Variants in PRKCQ observed in about 807,000 individuals in gnomAD.
PRKCQ encodes the protein protein kinase C theta, also known as protein kinase C theta type.
A neutral mutation model predicts 91.2 loss-of-function variants in PRKCQ; 41 were observed. The observed-to-expected ratio is 0.45, with a 90% CI of 0.35 to 0.58. PRKCQ has a LOEUF of 0.58. Ranked by LOEUF, PRKCQ falls within the 20% of genes least tolerant of loss-of-function variation. The pLI, the probability that PRKCQ is intolerant of heterozygous loss-of-function variation, is 0.00. For synonymous variants in PRKCQ, 307 were observed against 316.9 expected, an observed-to-expected ratio of 0.97 and a Z score of 0.33; for missense variants, 673 against 896.5, an observed-to-expected ratio of 0.75 and a Z score of 3.18.
intron 16 of PRKCQ, among the ~76,000 whole-genome samples, chr10:6,434,915 GT>G (rs1195650273): frequency 1.3e-5 from 2 of 151,988 alleles, no homozygotes; most frequent in Non-Finnish European, 2.9e-5. Flanking sequence ...AGTAAAGAGT[GT>G]TTTTTTTCTT....
intron 1 of PRKCQ, among the ~76,000 whole-genome samples, chr10:6,521,965 C>T (rs552293634): frequency 5.5e-5 from 7 of 126,672 alleles, no homozygotes; most frequent in East Asian, 2.1e-4. Flanking sequence ...TTTTTTGAGA[C>T]GGAGTCTCGC....
intron 1 of PRKCQ, among the ~76,000 whole-genome samples, chr10:6,517,169 T>G (rs1838797070): frequency 6.6e-6 from 1 of 152,140 alleles, no homozygotes; most frequent in Admixed American, 6.5e-5. Flanking sequence ...ACACCCGAAC[T>G]ACACAGAGTG....
intron 1 of PRKCQ, among the ~76,000 whole-genome samples, chr10:6,555,093 T>C (rs923847226): frequency 6.6e-6 from 1 of 150,838 alleles, no homozygotes; most frequent in East Asian, 1.9e-4. Flanking sequence ...CTCATGGACA[T>C]AAAGATGGCA....
At chr10:6,437,413 T>C (rs909677044) in intron 16 of PRKCQ, among the ~76,000 whole-genome samples, 2 of 152,222 alleles carry the variant, frequency 1.3e-5, no homozygotes, top group African/African-American at 4.8e-5. Context: ...GAACTGACAC[T>C]GCTGGACCTT....
At chr10:6,505,469 T>TTC (rs34038369) in intron 4 of PRKCQ, among the ~76,000 whole-genome samples, 1 of 144,624 alleles carries the variant, frequency 6.9e-6, no homozygotes, top group Non-Finnish European at 1.5e-5. Context: ...AGGACCCTTT[T>TTC]TCTCCTTCCT....
intron 1 of PRKCQ, among the ~76,000 whole-genome samples, chr10:6,530,455 G>C (rs1202588772): frequency 1.3e-5 from 2 of 152,228 alleles, no homozygotes; most frequent in Admixed American, 6.5e-5. Context: ...TGCTCAGTCC[G>C]CAGTGAGCTA....
rs370315313 is a variant in PRKCQ at position 6,576,120 on chromosome 10, G to T, written c.-10+4091C>A. 6.6e-6 allele frequency among the ~76,000 whole-genome samples: 1 copy of T among 152,006 alleles called. No individual in the cohort carries two copies. Among genetic ancestry groups the T allele is most frequent in the African/African-American group, 2.4e-5 (1 of 41,366 alleles). ...TCTACCACTGGTGGGAATGTAAAAC[G>T]GTCCAGCCACTGTGGAAAACAATAT... On this transcript the variant is annotated intron_variant, in intron 1 of 17. Coordinates refer to ENST00000263125, the MANE Select transcript of PRKCQ (RefSeq NM_006257.5). This position sits in a 1 kb window ranked among gnomAD's most constrained non-coding sequence, Gnocchi z 4.2.
intron 1 of PRKCQ, among the ~76,000 whole-genome samples, chr10:6,537,025 G>A (rs898129379): frequency 3.3e-5 from 5 of 152,270 alleles, no homozygotes; most frequent in South Asian, 2.1e-4. Flanking sequence ...TGGGGCTGAC[G>A]ATGGAACAAT....
rs117721939 is a variant in PRKCQ at position 6,527,803 on chromosome 10, T to C, written c.-9-12659A>G. On this transcript the variant is annotated intron_variant, in intron 1 of 17. Coordinates refer to ENST00000263125, the MANE Select transcript of PRKCQ (RefSeq NM_006257.5). ...AAATTCCTTTCTGGCCCCTAAATCC[T>C]TCAGGATCCACATTCCCCTACAAAA... 1.2e-3 allele frequency among the ~76,000 whole-genome samples: 190 copies of C among 152,236 alleles called. 2 individuals carry two copies. Among genetic ancestry groups the C allele is most frequent in the East Asian group, 2.1e-3 (11 of 5,178 alleles).
Position 6,497,326 on chromosome 10 carries a change from G to A in PRKCQ, c.543-75C>T. ...CACCAACAGCATTTAAGAGATGGATGAGATCTCATAACCCCCTAAGATCAC... is the reference window on the plus strand; with the variant it reads ...CACCAACAGCATTTAAGAGATGGATAAGATCTCATAACCCCCTAAGATCAC... On this transcript the variant is annotated intron_variant, in intron 5 of 17. Transcript: ENST00000263125. This position sits in a 1 kb window ranked among gnomAD's most constrained non-coding sequence, Gnocchi z 4.5. The A allele has an allele frequency of 6.5e-7, 1 of 1,528,532 alleles. No individual in the cohort carries two copies. The highest frequency in any genetic ancestry group is 2.2e-5 in the East Asian group (1 of 44,492). The allele number at this position is 1,528,532 out of a possible 1,614,324, so 94.7% of individuals were successfully genotyped here.
intron 1 of PRKCQ, among the ~76,000 whole-genome samples, chr10:6,562,208 AG>A (rs930868209): frequency 8.5e-5 from 13 of 152,286 alleles, no homozygotes; most frequent in Non-Finnish European, 1.9e-4. Flanking sequence ...GTTCTCCTGC[AG>A]GGCAGCCTCA....
Position 6,498,551 on chromosome 10 carries a change from C to A in PRKCQ, c.387G>T (p.Lys129Asn), listed in dbSNP as rs956709828. Residue 129 changes from lysine to asparagine, a missense_variant, in exon 5 of 18, where the codon AAG (lysine) becomes AAT (asparagine). Transcript: ENST00000263125. The stretch of plus-strand genomic sequence containing the variant: ...CTTCCGTCTCAAATTCATTCATGTC[C>A]TTTGTGTCTACAGGAAGAGAGAGGG... Reference protein sequence around the residue: ...ARYFLEMSDTKDMNEFETEGF... With the variant: ...ARYFLEMSDTNDMNEFETEGF... 3.1e-6 allele frequency: 5 copies of A among 1,613,960 alleles called. No homozygotes were observed. Among genetic ancestry groups the A allele is most frequent in the Non-Finnish European group, 4.2e-6 (5 of 1,179,950 alleles).
intron 4 of PRKCQ, among the ~76,000 whole-genome samples, chr10:6,506,637 C>A (rs1838216761): frequency 6.6e-6 from 1 of 152,038 alleles, no homozygotes; most frequent in Admixed American, 6.5e-5. Context: ...ATATTGTTTT[C>A]TCTGATGTAT....
rs1218206820 is a variant in PRKCQ, at chr10:6,430,215, A to G, written c.1965+595T>C. On this transcript the variant is annotated intron_variant, in intron 17 of 17. Transcript: ENST00000263125. The surrounding 1 kb of genome is among the most constrained non-coding windows in gnomAD (Gnocchi z 4.7). ...GCCCGTCTCGCAGGTGAGCCAGGTCATTCTGCCTTTGCTGATGTAGCTTAA... is the reference window on the plus strand; with the variant it reads ...GCCCGTCTCGCAGGTGAGCCAGGTCGTTCTGCCTTTGCTGATGTAGCTTAA... 2.0e-5 allele frequency among the ~76,000 whole-genome samples: 3 copies of G among 152,190 alleles called. No individual in the cohort carries two copies. Among genetic ancestry groups the G allele is most frequent in the African/African-American group, 7.2e-5 (3 of 41,438 alleles).
rs1835620925 is a variant in PRKCQ at position 6,465,793 on chromosome 10, G to T, written c.1354-1389C>A. ...ATCTCAATAATCCAGGTCAAGGTAA[G>T]CATCCGTCTTTTTTCAATGTTAGTT... On this transcript the variant is annotated intron_variant, in intron 12 of 17. Transcript: ENST00000263125. This position sits in a 1 kb window ranked among gnomAD's most constrained non-coding sequence, Gnocchi z 4.4. Among the ~76,000 whole-genome samples, 1 of 152,220 alleles carries T rather than the reference G, an allele frequency of 6.6e-6. No homozygotes were observed. The highest frequency in any genetic ancestry group is 2.4e-5 in the African/African-American group (1 of 41,456).
At chr10:6,575,069 G>A (rs1005295855) in intron 1 of PRKCQ, among the ~76,000 whole-genome samples, 1 of 152,192 alleles carries the variant, frequency 6.6e-6, no homozygotes, top group African/African-American at 2.4e-5. Context: ...CCCTCATGGA[G>A]TTTCATGCTA....
intron 7 of PRKCQ, among the ~76,000 whole-genome samples, chr10:6,496,216 CAAAAAAAAAAAAA>C (rs199934718): frequency 3.2e-5 from 3 of 94,228 alleles, no homozygotes; most frequent in Non-Finnish European, 5.8e-5. Context: ...GATTCCATCT[CAAAAAAAAAAAAA>C]AAAAAAAAAA....
At chr10:6,450,875 C>T (rs1411047847) in intron 15 of PRKCQ, among the ~76,000 whole-genome samples, 1 of 152,078 alleles carries the variant, frequency 6.6e-6, no homozygotes, top group Non-Finnish European at 1.5e-5. Flanking sequence ...TCTTTGAAAT[C>T]AATGAGAACA....
At chr10:6,544,212 T>C (rs1294390546) in intron 1 of PRKCQ, among the ~76,000 whole-genome samples, 1 of 152,176 alleles carries the variant, frequency 6.6e-6, no homozygotes. Flanking sequence ...AGTTAAACTG[T>C]TTGTGAGTCA....
Sources: allele counts gnomAD v4.1 joint callset (sites outside exome capture counted in the v4.1 genomes callset), GRCh38; gene constraint gnomAD v4.1.1; non-coding constraint Gnocchi (gnomAD v3.1); transcripts MANE v1.5; gene names NCBI Gene and HGNC (gene_info 2026-07-23, HGNC 2026-07-21).